The following PRDM1 variants were observed in gnomAD, a reference collection of about 807,000 sequenced individuals.
PRDM1 encodes PR domain zinc finger protein 1.
A neutral mutation model predicts 62.8 loss-of-function variants in PRDM1; 13 were observed. The observed-to-expected ratio is 0.21, with a 90% CI of 0.13 to 0.33. The LOEUF is 0.33. PRDM1 is among the 10% of genes least tolerant of loss of function. The pLI is 1.00. For synonymous variants in PRDM1, 396 were observed against 417.6 expected (o/e 0.95, Z 0.63); for missense variants, 895 against 1,058.8 (o/e 0.85, Z 2.15).
At chr6:106,080,423 C>T (rs1773677184) in intron 1 of PRDM1, among the ~76,000 whole-genome samples, 1 of 152,290 alleles carries the variant, frequency 6.6e-6, no homozygotes, top group African/African-American at 2.4e-5. Context: ...CCGCAGCCCC[C>T]AGCATCCTTC....
At chr6:106,022,358 G>A (rs1400329174) in intron 1 of PRDM1, among the ~76,000 whole-genome samples, 1 of 152,014 alleles carries the variant, frequency 6.6e-6, no homozygotes, top group East Asian at 1.9e-4. Flanking sequence ...CTGGGCTTAG[G>A]TGATTCCCCT....
chr6:106,053,990 T>C (rs958938991), intron 1 of PRDM1, among the ~76,000 whole-genome samples: 6 of 152,094 alleles, frequency 3.9e-5, no homozygotes, highest in Non-Finnish European at 8.8e-5. Flanking sequence ...AAAGCCCCTC[T>C]GGGGTTTCCT....
chr6:106,066,017 C>T (rs961171535), intron 1 of PRDM1, among the ~76,000 whole-genome samples: 1 of 152,202 alleles, frequency 6.6e-6, no homozygotes, highest in Non-Finnish European at 1.5e-5. Flanking sequence ...GAAGCTGAGC[C>T]TGTCTTTCAG....
At chr6:106,078,820 C>A (rs1426749898) in intron 1 of PRDM1, among the ~76,000 whole-genome samples, 2 of 151,924 alleles carry the variant, frequency 1.3e-5, no homozygotes, top group Non-Finnish European at 2.9e-5. Context: ...TGCCACTGCA[C>A]TCCAGCTTGT....
At chr6:106,101,858 AG>A (rs1181966822) in intron 4 of PRDM1, among the ~76,000 whole-genome samples, 1 of 152,262 alleles carries the variant, frequency 6.6e-6, no homozygotes, top group African/African-American at 2.4e-5. Flanking sequence ...ACCAAAGGAA[AG>A]AAAAGTAAGT....
intron 1 of PRDM1, among the ~76,000 whole-genome samples, chr6:106,021,756 G>A (rs978084982): frequency 1.3e-5 from 2 of 152,156 alleles, no homozygotes. Flanking sequence ...AAGTAGCTGG[G>A]ATTACAGGCA....
chr6:106,038,351 C>T (rs1345188330), intron 1 of PRDM1, among the ~76,000 whole-genome samples: 1 of 152,044 alleles, frequency 6.6e-6, no homozygotes, highest in Non-Finnish European at 1.5e-5. Flanking sequence ...CAAGGATCAG[C>T]CTGAGGTATA....
rs1444053148 is a variant in PRDM1 at position 106,079,063 on chromosome 6, C to T, written c.-66-9138C>T. ...GCAACCTCTGCCTCTCGGGTTCAAG[C>T]GATTCTCGTGTCTCAGCCTCCCGAG... is the stretch of plus-strand genomic sequence containing the variant. On this transcript the variant is annotated intron_variant, in intron 1 of 6. Transcript: ENST00000651185. Among the ~76,000 whole-genome samples, 4 of 152,006 alleles carry T rather than the reference C, an allele frequency of 2.6e-5. No individual in the cohort carries two copies. In the South Asian group the frequency reaches 6.2e-4, roughly 24 times the overall value.
At chr6:106,082,769 C>T (rs1773714647), upstream of PRDM1, among the ~76,000 whole-genome samples, 1 of 152,192 alleles carries the variant, frequency 6.6e-6, no homozygotes, top group Non-Finnish European at 1.5e-5. Context: ...AGGTCACCGT[C>T]CCAATGTTTA....
intron 3 of PRDM1, among the ~76,000 whole-genome samples, chr6:106,097,692 G>A (rs1774147755): frequency 1.3e-5 from 2 of 152,172 alleles, no homozygotes; most frequent in South Asian, 2.1e-4. Context: ...TCATGGCACC[G>A]ACATTGCTGT....
At chr6:106,069,030 A>G (rs574744655) in intron 1 of PRDM1, among the ~76,000 whole-genome samples, 18 of 152,208 alleles carry the variant, frequency 1.2e-4, no homozygotes, top group African/African-American at 3.6e-4. Context: ...GGTTGTGGGG[A>G]TAGACTTCGG....
At position 106,105,508 on chromosome 6, in the gene PRDM1, C is replaced by T. The variant is rs141465160; in HGVS notation, c.1348C>T (p.Leu450Phe). The part of the protein sequence containing the change: ...FPRLCPVYSN[L>F]LGGGSLPHPM... Reference sequence around the variant, plus strand: ...GAGGCTGTGCCCTGTCTACAGCAATCTCCTCGGTGGGGGCAGCCTGCCCCA... The same window carrying T: ...GAGGCTGTGCCCTGTCTACAGCAATTTCCTCGGTGGGGGCAGCCTGCCCCA... The change falls in exon 5 of 7, where the codon CTC (leucine) becomes TTC (phenylalanine). Residue 450 changes from leucine (L) to phenylalanine (F), a missense_variant. Around this residue, in one of 4 missense-constraint regions of PRDM1, gnomAD observed 444 missense variants for 422.7 expected, o/e 1.05. Coordinates refer to ENST00000369096, the MANE Select transcript of PRDM1 (RefSeq NM_001198.4). The T allele has an allele frequency of 3.1e-3, 5,075 of 1,613,964 alleles. 43 individuals are homozygous for T. Among genetic ancestry groups the T allele is most frequent in the Non-Finnish European group, 2.8e-3 (3,317 of 1,179,958 alleles).
chr6:106,095,846 A>G lies in PRDM1; in HGVS notation c.411+112A>G, dbSNP rs1392292472. Reference sequence around the variant, plus strand: ...TGCTGAGAAATGCTGGGGCTCACCCATAAGTATCCAGCATCCCCATGGACA... The same window carrying G: ...TGCTGAGAAATGCTGGGGCTCACCCGTAAGTATCCAGCATCCCCATGGACA... On this transcript the variant is annotated intron_variant, in intron 3 of 6. Coordinates refer to ENST00000369096, the MANE Select transcript of PRDM1 (RefSeq NM_001198.4). The G allele has an allele frequency of 4.2e-6, 5 of 1,184,790 alleles. No homozygotes were observed. The African/African-American group carries it at 4.6e-5, about 11-fold the overall frequency. 73.4% of individuals were successfully genotyped at this position (1,184,790 alleles called of 1,614,324 possible). A position where few individuals can be genotyped will look rare whatever the true frequency, so the allele number is the denominator to read the frequency against.
chr6:106,088,167 A>G, intron 1 of PRDM1, 34 bp from the exon 2 acceptor site: 1 of 1,554,806 alleles, frequency 6.4e-7, no homozygotes. Flanking sequence ...ACGGCGGGAC[A>G]ATGGGGATTA....
At chr6:105,999,462 T>G (rs1772401913) in intron 1 of PRDM1, among the ~76,000 whole-genome samples, 1 of 152,078 alleles carries the variant, frequency 6.6e-6, no homozygotes, top group African/African-American at 2.4e-5. Flanking sequence ...GTGACATGTT[T>G]TTTGCTTTTT....
intron 3 of PRDM1, 23 bp from the exon 4 acceptor site, chr6:106,099,277 T>C: frequency 6.2e-7 from 1 of 1,613,158 alleles, no homozygotes; most frequent in African/African-American, 1.3e-5. Context: ...TCCTTTTACA[T>C]GCCTGTCTTC....
intron 1 of PRDM1, among the ~76,000 whole-genome samples, chr6:106,027,903 A>C (rs918046779): frequency 6.6e-6 from 1 of 152,142 alleles, no homozygotes; most frequent in Non-Finnish European, 1.5e-5. Flanking sequence ...CACTTAGCTC[A>C]TTACACATGA....
intron 1 of PRDM1, among the ~76,000 whole-genome samples, chr6:106,007,939 C>T (rs1223347790): frequency 1.3e-5 from 2 of 152,216 alleles, no homozygotes; most frequent in East Asian, 1.9e-4. Context: ...CCTGTGCATT[C>T]GCTCAATGTT....
intron 1 of PRDM1, among the ~76,000 whole-genome samples, chr6:106,007,386 C>T (rs575928429): frequency 2.0e-5 from 3 of 151,690 alleles, no homozygotes; most frequent in South Asian, 2.1e-4. Context: ...GCCGAGATGG[C>T]GCCACTGCAC....
Sources: gnomAD v4.1 joint callset for allele counts (sites outside exome capture counted in the v4.1 genomes callset) on GRCh38, gnomAD v4.1.1 for gene constraint, gnomAD v4.1.1 regional missense constraint, MANE v1.5 for transcripts, NCBI Gene and HGNC (gene_info 2026-07-23, HGNC 2026-07-21) for gene names.